The following PDE1C variants were observed in gnomAD, a reference collection of about 807,000 sequenced individuals.
The protein encoded by PDE1C is dual specificity calcium/calmodulin-dependent 3',5'-cyclic nucleotide phosphodiesterase 1C.
In PDE1C, 62 loss-of-function variants were observed where a neutral mutation model predicts 93.1. The observed-to-expected ratio is 0.67, with a 90% CI of 0.54 to 0.82. The LOEUF is 0.82. Among genes scored for constraint, PDE1C ranks in the 40% least tolerant of loss-of-function variants. The pLI is 0.00. For missense variants in PDE1C, 742 were observed against 884.6 expected (o/e 0.84, Z 2.04); for synonymous variants, 325 against 310.1 (o/e 1.05, Z -0.50).
Position 32,372,662 on chromosome 7 carries a change from G to A in PDE1C, c.310+55160C>T, listed in dbSNP as rs577142297. On this transcript the variant is annotated intron_variant, in intron 1 of 1. Coordinates refer to the PDE1C transcript ENST00000672256. Reference sequence around the variant, plus strand: ...ATCAAATTAAAATTTGCTGTACTTCGAAGGACATCATCAAGAAAATGAATG... The same window carrying A: ...ATCAAATTAAAATTTGCTGTACTTCAAAGGACATCATCAAGAAAATGAATG... 2.1e-4 allele frequency among the ~76,000 whole-genome samples: 32 copies of A among 152,182 alleles called. No individual in the cohort carries two copies. In the South Asian group the frequency reaches 4.8e-3, roughly 23 times the overall value.
chr7:32,272,930 C>T (rs1186211092), intron 1 of PDE1C, among the ~76,000 whole-genome samples: 1 of 152,174 alleles, frequency 6.6e-6, no homozygotes, highest in Non-Finnish European at 1.5e-5. Flanking sequence ...AGAAATGGGT[C>T]TATACTATAA....
At chr7:32,365,490 A>C (rs1476175936) in intron 1 of PDE1C, among the ~76,000 whole-genome samples, 1 of 152,214 alleles carries the variant, frequency 6.6e-6, no homozygotes, top group Non-Finnish European at 1.5e-5. Flanking sequence ...TCCCTGGCAG[A>C]CACATACCTA....
At chr7:31,658,790 A>G in the PDE1C span, 1 of 153,788 alleles carries the variant, frequency 6.5e-6, no homozygotes, top group Admixed American at 6.5e-5. Flanking sequence ...AAGTAAAGAA[A>G]GAACCCTTCA....
the PDE1C span, among the ~76,000 whole-genome samples, chr7:31,700,777 T>C: frequency 6.6e-6 from 1 of 152,082 alleles, no homozygotes; most frequent in Non-Finnish European, 1.5e-5. Flanking sequence ...CTAGGGCCCT[T>C]ATGAATTATG....
At chr7:31,630,627 T>G in the PDE1C span, among the ~76,000 whole-genome samples, 3 of 152,130 alleles carry the variant, frequency 2.0e-5, no homozygotes. Flanking sequence ...ATGTCACATA[T>G]TTACCAATCA....
At chr7:31,701,332 C>G in the PDE1C span, among the ~76,000 whole-genome samples, 24 of 152,162 alleles carry the variant, frequency 1.6e-4, no homozygotes, top group Non-Finnish European at 2.4e-4. Context: ...GTAGAAATAG[C>G]AAGAGAATTA....
chr7:32,129,052 G>C (rs1425056302), intron 3 of PDE1C, among the ~76,000 whole-genome samples: 2 of 150,002 alleles, frequency 1.3e-5, no homozygotes, highest in African/African-American at 4.9e-5. Context: ...GTCATTATAA[G>C]TGATATTGAC....
At chr7:31,765,231 A>G (rs930255485) in intron 17 of PDE1C, among the ~76,000 whole-genome samples, 4 of 152,184 alleles carry the variant, frequency 2.6e-5, no homozygotes, top group African/African-American at 9.6e-5. Flanking sequence ...ATGGCTTCCT[A>G]TCAAATGCCC....
the PDE1C span, among the ~76,000 whole-genome samples, chr7:31,635,937 A>T: frequency 6.6e-6 from 1 of 152,168 alleles, no homozygotes; most frequent in South Asian, 2.1e-4. Context: ...ACTTAAAATA[A>T]TTTTTTTTAA....
chr7:32,341,173 C>CTATTTTTTATTTTTATT (rs796122014), intron 1 of PDE1C, among the ~76,000 whole-genome samples: 1 of 84,952 alleles, frequency 1.2e-5, no homozygotes, highest in African/African-American at 4.3e-5. Flanking sequence ...GAAATAAAGT[C>CTATTTTTTATTTTTATT]TTTTTTTTTT....
At chr7:32,379,000 G>T (rs1784483284) in intron 1 of PDE1C, among the ~76,000 whole-genome samples, 1 of 152,186 alleles carries the variant, frequency 6.6e-6, no homozygotes, top group African/African-American at 2.4e-5. Context: ...TAAACCTTCA[G>T]AGGCTCCCCA....
chr7:31,753,271 G>A lies in PDE1C; in HGVS notation c.*113C>T. On this transcript the variant is annotated 3_prime_UTR_variant, in exon 18 of 18. Coordinates refer to ENST00000396191, the MANE Select transcript of PDE1C (RefSeq NM_001191057.4). ...CACCTTGGTGGAGTCAACCAGGATA[G>A]TACCTGCTCCAACAGCCTCCAAGGG... The A allele has an allele frequency of 7.5e-7, 1 of 1,338,344 alleles. No homozygotes were observed. Among genetic ancestry groups the A allele is most frequent in the Non-Finnish European group, 1.0e-6 (1 of 983,764 alleles). 82.9% of individuals were successfully genotyped at this position (1,338,344 alleles called of 1,614,324 possible). A position where few individuals can be genotyped will look rare whatever the true frequency, so the allele number is the denominator to read the frequency against.
At chr7:32,260,174 C>T (rs549280839) in intron 1 of PDE1C, among the ~76,000 whole-genome samples, 40 of 152,176 alleles carry the variant, frequency 2.6e-4, no homozygotes, top group South Asian at 1.2e-3. Flanking sequence ...AGAAAGTCTA[C>T]GAAAATGAGA....
At chr7:32,276,302 A>G (rs1208012273) in intron 1 of PDE1C, among the ~76,000 whole-genome samples, 1 of 152,200 alleles carries the variant, frequency 6.6e-6, no homozygotes, top group Non-Finnish European at 1.5e-5. Context: ...ACAAGCATAA[A>G]CAGGATTTGA....
At chr7:31,922,571 T>TAACTTGTGCA (rs2128961172) in intron 2 of PDE1C, among the ~76,000 whole-genome samples, 1 of 152,330 alleles carries the variant, frequency 6.6e-6, no homozygotes, top group African/African-American at 2.4e-5. Flanking sequence ...CAAGCCATCA[T>TAACTTGTGCA]TAAACTTCCC....
intron 2 of PDE1C, among the ~76,000 whole-genome samples, chr7:32,016,837 C>T (rs1409025570): frequency 6.6e-6 from 1 of 152,152 alleles, no homozygotes; most frequent in Non-Finnish European, 1.5e-5. Context: ...TTTGACAATA[C>T]TTCTCTGGAT....
At position 32,070,290 on chromosome 7, in the gene PDE1C, T is replaced by G; in HGVS notation, c.101+3A>C. On this transcript the variant is annotated splice_donor_region_variant and intron_variant, in intron 1 of 17. Coordinates refer to ENST00000396191, the MANE Select transcript of PDE1C (RefSeq NM_001191057.4). The stretch of plus-strand genomic sequence containing the variant: ...GGCAGGAGAAGTAAATAGGTATACT[T>G]ACAGCCCGCGGAGCCGAAGCCAGAT... 1 of 1,614,152 alleles carries G rather than the reference T, an allele frequency of 6.2e-7. No individual in the cohort carries two copies. The highest frequency in any genetic ancestry group is 1.1e-5 in the South Asian group (1 of 91,078).
intron 16 of PDE1C, among the ~76,000 whole-genome samples, chr7:31,807,414 A>C (rs1180396831): frequency 6.6e-6 from 1 of 151,374 alleles, no homozygotes; most frequent in Non-Finnish European, 1.5e-5. Context: ...CCTCCCCCCA[A>C]AAAAACCTGT....
intron 1 of PDE1C, among the ~76,000 whole-genome samples, chr7:32,392,728 C>A (rs529661620): frequency 6.6e-6 from 1 of 152,140 alleles, no homozygotes; most frequent in Non-Finnish European, 1.5e-5. Context: ...AAGCATTTGA[C>A]CAAATCTAAT....
Sources: gnomAD v4.1 joint callset for allele counts (sites outside exome capture counted in the v4.1 genomes callset) on GRCh38, gnomAD v4.1.1 for gene constraint, MANE v1.5 for transcripts, NCBI Gene and HGNC (gene_info 2026-07-23, HGNC 2026-07-21) for gene names.